The following UHRF2 variants were observed in gnomAD, a reference collection of about 807,000 sequenced individuals.
UHRF2 encodes the protein ubiquitin like with PHD and ring finger domains 2, also known as E3 ubiquitin-protein ligase UHRF2.
Under a neutral mutation model 96.8 loss-of-function variants are expected in UHRF2, and 23 were observed. The observed-to-expected ratio is 0.24, with a 90% CI of 0.17 to 0.34. UHRF2 has a LOEUF of 0.34. UHRF2 is among the 10% of genes least tolerant of loss of function. The probability of loss-of-function intolerance (pLI) is 1.00; values close to 1 mark genes in which losing one functional copy is unlikely to be tolerated. For synonymous variants in UHRF2, 385 were observed against 332.6 expected (o/e 1.16, Z -1.72); for missense variants, 685 against 981.5 (o/e 0.70, Z 4.04).
intron 3 of UHRF2, among the ~76,000 whole-genome samples, chr9:6,457,387 C>G (rs940780473): frequency 1.4e-5 from 2 of 143,098 alleles, no homozygotes; most frequent in Non-Finnish European, 3.1e-5. Context: ...AGTTGCTTAT[C>G]ACCTTAAGGA....
At chr9:6,424,606 G>T (rs959015409) in intron 2 of UHRF2, among the ~76,000 whole-genome samples, 1 of 151,960 alleles carries the variant, frequency 6.6e-6, no homozygotes, top group African/African-American at 2.4e-5. Context: ...CCCACACCTA[G>T]TTTTCCCTCT....
At chr9:6,457,268 A>G (rs1323028407) in intron 3 of UHRF2, among the ~76,000 whole-genome samples, 1 of 152,058 alleles carries the variant, frequency 6.6e-6, no homozygotes, top group Non-Finnish European at 1.5e-5. Context: ...TCTTTGTAGC[A>G]ATTGTGAATG....
intron 3 of UHRF2, among the ~76,000 whole-genome samples, chr9:6,436,091 T>C (rs1374947277): frequency 6.6e-6 from 1 of 152,200 alleles, no homozygotes; most frequent in Non-Finnish European, 1.5e-5. Context: ...AAGTAATACA[T>C]TAATATGTAT....
At chr9:6,504,767 T>C (rs78489255) in intron 15 of UHRF2, 76 bp downstream of exon 15, 1 of 1,134,214 alleles carries the variant, frequency 8.8e-7, no homozygotes, top group African/African-American at 1.6e-5. Flanking sequence ...TTTAGCATGC[T>C]AAGAAGCATT....
chr9:6,452,185 A>G (rs889069701), intron 3 of UHRF2, among the ~76,000 whole-genome samples: 5 of 152,098 alleles, frequency 3.3e-5, no homozygotes, highest in Admixed American at 3.3e-4. Context: ...GTATTATGTT[A>G]TCTTAAGGGT....
intron 2 of UHRF2, chr9:6,422,650 C>T: frequency 3.1e-6 from 2 of 650,572 alleles, no homozygotes; most frequent in Non-Finnish European, 2.9e-6. Context: ...GGCTCTGTCA[C>T]CCAGGCTGTA....
At chr9:6,505,891 G>A (rs760872284) in intron 15 of UHRF2, 142 bp from the exon 16 acceptor site, 6 of 799,080 alleles carry the variant, frequency 7.5e-6, no homozygotes, top group Non-Finnish European at 1.2e-5. Context: ...CTTTTCCATA[G>A]TGCAGATTCA....
At chr9:6,456,485 C>T (rs895170259) in intron 3 of UHRF2, among the ~76,000 whole-genome samples, 4 of 152,152 alleles carry the variant, frequency 2.6e-5, no homozygotes, top group African/African-American at 7.2e-5. Flanking sequence ...TGTAGGTTGC[C>T]TGTTCACTCT....
At chr9:6,471,452 C>T (rs1392077694) in intron 4 of UHRF2, among the ~76,000 whole-genome samples, 3 of 152,046 alleles carry the variant, frequency 2.0e-5, no homozygotes, top group Non-Finnish European at 2.9e-5. Context: ...TCTTTGTGAC[C>T]AATAGAATAT....
chr9:6,493,563 TTTTACTACATATATA>T (rs1218432999), intron 9 of UHRF2, among the ~76,000 whole-genome samples: 3 of 152,214 alleles, frequency 2.0e-5, no homozygotes, highest in African/African-American at 7.2e-5. Context: ...CTGTTGATTA[TTTTACTACATATATA>T]GCATGAGACT....
chr9:6,472,528 C>G (rs1823305584), intron 4 of UHRF2, among the ~76,000 whole-genome samples: 1 of 152,164 alleles, frequency 6.6e-6, no homozygotes. Flanking sequence ...TGAACCCTTC[C>G]TAAGGAATCT....
intron 9 of UHRF2, among the ~76,000 whole-genome samples, chr9:6,490,401 G>A (rs1455590790): frequency 6.6e-6 from 1 of 152,184 alleles, no homozygotes; most frequent in Non-Finnish European, 1.5e-5. Context: ...TCCGAGGTGG[G>A]CTGATCACTT....
At chr9:6,501,459 A>G (rs1045746528) in intron 14 of UHRF2, among the ~76,000 whole-genome samples, 1 of 152,168 alleles carries the variant, frequency 6.6e-6, no homozygotes, top group African/African-American at 2.4e-5. Flanking sequence ...TGTCTTTTCT[A>G]TCTAGGCTGA....
intron 4 of UHRF2, among the ~76,000 whole-genome samples, chr9:6,463,139 G>A (rs567668176): frequency 2.6e-5 from 4 of 152,054 alleles, no homozygotes; most frequent in African/African-American, 9.7e-5. Flanking sequence ...AAATTAGCTG[G>A]GTGCGGTGTT....
At chr9:6,487,859 CT>C (rs765970137) in intron 9 of UHRF2, among the ~76,000 whole-genome samples, 4 of 152,182 alleles carry the variant, frequency 2.6e-5, no homozygotes, top group Non-Finnish European at 5.9e-5. Flanking sequence ...AAAATAAAAA[CT>C]GGTTCCAGTG....
intron 4 of UHRF2, among the ~76,000 whole-genome samples, chr9:6,472,951 G>A (rs2130884868): frequency 6.6e-6 from 1 of 152,314 alleles, no homozygotes; most frequent in African/African-American, 2.4e-5. Flanking sequence ...ATGAACTCAT[G>A]AGATGTTTTG....
At chr9:6,462,346 C>G (rs535725) in intron 4 of UHRF2, among the ~76,000 whole-genome samples, 1 of 151,068 alleles carries the variant, frequency 6.6e-6, no homozygotes, top group African/African-American at 2.4e-5. Flanking sequence ...AAAAATGATG[C>G]GAGGTGTTGA....
intron 8 of UHRF2, among the ~76,000 whole-genome samples, chr9:6,482,351 T>A (rs1823976577): frequency 6.6e-6 from 1 of 152,232 alleles, no homozygotes; most frequent in Non-Finnish European, 1.5e-5. Flanking sequence ...ACCATTATTG[T>A]TAAGCTTTCT....
intron 4 of UHRF2, among the ~76,000 whole-genome samples, chr9:6,464,500 A>G (rs555120192): frequency 6.6e-5 from 10 of 152,222 alleles, no homozygotes; most frequent in African/African-American, 2.4e-4. Context: ...TGTCTTTCTT[A>G]AAGATACTCT....
Sources: gnomAD v4.1 joint callset for allele counts (sites outside exome capture counted in the v4.1 genomes callset) on GRCh38, gnomAD v4.1.1 for gene constraint, MANE v1.5 for transcripts, NCBI Gene and HGNC (gene_info 2026-07-23, HGNC 2026-07-21) for gene names.